Variants in BTNL8 observed in about 807,000 individuals in gnomAD.
BTNL8 encodes the protein butyrophilin-like protein 8.
BTNL8 carries 22 observed loss-of-function variants against 36.1 expected under a neutral mutation model. The ratio of observed to expected loss-of-function variants is 0.61; its 90% CI spans 0.44 to 0.87. BTNL8 has a LOEUF of 0.87. BTNL8 is among the 40% of genes least tolerant of loss of function. The pLI is 0.00. For synonymous variants in BTNL8, 203 were observed against 235.6 expected (o/e 0.86, Z 1.27); for missense variants, 526 against 616.9 (o/e 0.85, Z 1.56).
chr5:180,916,464 G>A (rs1420888845), intron 3 of BTNL8, among the ~76,000 whole-genome samples: 2 of 150,916 alleles, frequency 1.3e-5, no homozygotes, highest in Non-Finnish European at 3.0e-5. Context: ...CAGAAGGAAG[G>A]AAAAAATAAT....
chr5:180,927,590 G>T (rs1758164181), intron 3 of BTNL8, among the ~76,000 whole-genome samples: 1 of 152,132 alleles, frequency 6.6e-6, no homozygotes, highest in African/African-American at 2.4e-5. Context: ...TTGAAAAAAG[G>T]TTAGAGGAGC....
chr5:180,924,411 C>T (rs1163372126), intron 3 of BTNL8, among the ~76,000 whole-genome samples: 1 of 150,334 alleles, frequency 6.7e-6, no homozygotes, highest in African/African-American at 2.4e-5. Flanking sequence ...CAGCACACGT[C>T]CCTGACCAAC....
chr5:180,910,208 G>C (rs1229626436), intron 2 of BTNL8, among the ~76,000 whole-genome samples: 1 of 151,736 alleles, frequency 6.6e-6, no homozygotes, highest in Non-Finnish European at 1.5e-5. Context: ...TCCTAATTAG[G>C]GAAAAGGAGT....
At chr5:180,939,451 G>C (rs192819953) in intron 3 of BTNL8, among the ~76,000 whole-genome samples, 2 of 152,074 alleles carry the variant, frequency 1.3e-5, no homozygotes, top group East Asian at 3.9e-4. Context: ...ACTGTAAAAA[G>C]GGACAAAGAA....
rs548380382 is a variant in BTNL8, at chr5:180,902,315, A to T, written c.49+2956A>T. 8.0e-5 allele frequency: 123 copies of T among 1,535,470 alleles called. No individual in the cohort carries two copies. The African/African-American group carries it at 1.4e-3, about 17-fold the overall frequency. On this transcript the variant is annotated intron_variant, in intron 1 of 7. Transcript: ENST00000340184. ...ATAACATGGTTTTCTCATCTTAAAAATAAAAACATTAATAATACACATTTC... is the reference window on the plus strand; with the variant it reads ...ATAACATGGTTTTCTCATCTTAAAATTAAAAACATTAATAATACACATTTC...
chr5:180,947,874 TAGAG>T lies in BTNL8; in HGVS notation c.787+254_787+257del. 4 of 1,348,692 alleles carry T rather than the reference TAGAG, an allele frequency of 3.0e-6. No homozygotes were observed. In the South Asian group the frequency reaches 5.7e-5, roughly 19 times the overall value. 83.5% of individuals were successfully genotyped at this position (1,348,692 alleles called of 1,614,324 possible). ...GGGGATGAATGATTTTCAGTACCTA[TAGAG>T]AGAGCTTGGATAATTTTCCATGAAC... is the stretch of plus-strand genomic sequence containing the variant. On this transcript the variant is annotated intron_variant, in intron 4 of 7. Coordinates refer to ENST00000340184, the MANE Select transcript of BTNL8 (RefSeq NM_001040462.3).
At position 180,899,275 on chromosome 5, in the gene BTNL8, T is replaced by C; in HGVS notation, c.-36T>C. On this transcript the variant is annotated 5_prime_UTR_variant, in exon 1 of 8. Coordinates refer to ENST00000340184, the MANE Select transcript of BTNL8 (RefSeq NM_001040462.3). The stretch of plus-strand genomic sequence containing the variant: ...CATCCGTCACCTCTCCTGTCATCCG[T>C]TTCCATGCCGTGAGGTCCATTCACA... 1 of 1,611,836 alleles carries C rather than the reference T, an allele frequency of 6.2e-7. No individual in the cohort carries two copies. The highest frequency in any genetic ancestry group is 8.5e-7 in the Non-Finnish European group (1 of 1,177,866).
intron 3 of BTNL8, among the ~76,000 whole-genome samples, chr5:180,923,436 T>C (rs980770728): frequency 6.6e-6 from 1 of 152,126 alleles, no homozygotes; most frequent in Non-Finnish European, 1.5e-5. Flanking sequence ...AGTTTCAACA[T>C]CTAACTATGA....
intron 3 of BTNL8, among the ~76,000 whole-genome samples, chr5:180,934,221 T>C (rs921209537): frequency 5.9e-5 from 9 of 152,236 alleles, no homozygotes; most frequent in African/African-American, 2.2e-4. Flanking sequence ...ACAGAGAAAA[T>C]ATTTGATAAA....
chr5:180,903,102 T>C lies in BTNL8; in HGVS notation c.49+3743T>C, dbSNP rs1176341121. ...CTAGTTCCCTGAGGAATCGCCACACTGACTTCCACAATGGTTGAACTAGTT... is the reference window on the plus strand; with the variant it reads ...CTAGTTCCCTGAGGAATCGCCACACCGACTTCCACAATGGTTGAACTAGTT... On this transcript the variant is annotated intron_variant, in intron 1 of 7. Coordinates refer to ENST00000340184, the MANE Select transcript of BTNL8 (RefSeq NM_001040462.3). 1.7e-4 allele frequency among the ~76,000 whole-genome samples: 21 copies of C among 120,298 alleles called. 2 individuals are homozygous for C. The South Asian group carries it at 4.3e-3, about 25-fold the overall frequency. 78.9% of individuals were successfully genotyped at this position (120,298 alleles called of 152,430 possible). A position where few individuals can be genotyped will look rare whatever the true frequency, so the allele number is the denominator to read the frequency against.
intron 3 of BTNL8, among the ~76,000 whole-genome samples, chr5:180,913,925 A>G (rs974222270): frequency 8.5e-5 from 13 of 152,244 alleles, no homozygotes; most frequent in African/African-American, 2.4e-5. Context: ...GAATACTTGA[A>G]CTAAAAATTA....
At chr5:180,911,284 G>C (rs1757378931) in intron 2 of BTNL8, 55 bp from the exon 3 acceptor site, 3 of 1,592,292 alleles carry the variant, frequency 1.9e-6, no homozygotes, top group Non-Finnish European at 1.7e-6. Flanking sequence ...ACTCAGAATT[G>C]CTGTGGCTTT....
chr5:180,906,202 G>A (rs2113769540), intron 1 of BTNL8, among the ~76,000 whole-genome samples: 1 of 148,978 alleles, frequency 6.7e-6, no homozygotes, highest in South Asian at 2.1e-4. Flanking sequence ...GAATCTTGGT[G>A]CTCCTGTATT....
At chr5:180,907,727 T>C (rs1382342462) in intron 1 of BTNL8, among the ~76,000 whole-genome samples, 1 of 152,112 alleles carries the variant, frequency 6.6e-6, no homozygotes, top group Non-Finnish European at 1.5e-5. Context: ...CTGTTTGTTT[T>C]CCTTCTAACA....
chr5:180,947,992 T>C (rs1345710099), intron 4 of BTNL8: 27 of 673,990 alleles, frequency 4.0e-5, no homozygotes, highest in Middle Eastern at 4.1e-4. Flanking sequence ...GATAAAATTA[T>C]ATTCAGTCTC....
chr5:180,911,167 A>G (rs1757372933), intron 2 of BTNL8, among the ~76,000 whole-genome samples, 172 bp from the exon 3 acceptor site: 1 of 152,228 alleles, frequency 6.6e-6, no homozygotes, highest in Non-Finnish European at 1.5e-5. Context: ...AGTTGCTAAA[A>G]AATGGCAACG....
intron 3 of BTNL8, among the ~76,000 whole-genome samples, chr5:180,936,367 T>C (rs927777306): frequency 1.3e-5 from 2 of 152,088 alleles, no homozygotes; most frequent in Non-Finnish European, 2.9e-5. Flanking sequence ...CAAAAAAGTA[T>C]TGGAAAAGGT....
At chr5:180,929,028 A>G (rs6864181) in intron 3 of BTNL8, among the ~76,000 whole-genome samples, 27,913 of 152,176 alleles carry the variant, frequency 0.18, 4,260 homozygotes, top group African/African-American at 0.42. Context: ...TCAGGACCAC[A>G]TCACACTTAT....
At chr5:180,940,970 G>A (rs911948699) in intron 3 of BTNL8, among the ~76,000 whole-genome samples, 1 of 152,048 alleles carries the variant, frequency 6.6e-6, no homozygotes, top group Non-Finnish European at 1.5e-5. Context: ...GCATGCACCT[G>A]TAGCCCCAAC....
Sources: gnomAD v4.1 joint callset for allele counts (sites outside exome capture counted in the v4.1 genomes callset) on GRCh38, gnomAD v4.1.1 for gene constraint, MANE v1.5 for transcripts, NCBI Gene and HGNC (gene_info 2026-07-23, HGNC 2026-07-21) for gene names.